Variants in EFCAB10 observed in about 807,000 individuals in gnomAD.
The protein encoded by EFCAB10 is EF-hand calcium binding domain 10, also known as EF-hand calcium-binding domain-containing protein 10.
A neutral mutation model predicts 7.7 loss-of-function variants in EFCAB10; 7 were observed. That is an observed-to-expected ratio of 0.91 (90% CI 0.52 to 1.72). EFCAB10 has a LOEUF of 1.72. Among genes scored for constraint, EFCAB10 ranks in the 40% most tolerant of loss-of-function variants. The pLI is 0.00. For synonymous variants in EFCAB10, 52 were observed against 21.0 expected (o/e 2.47, Z -4.03); for missense variants, 112 against 61.5 (o/e 1.82, Z -2.74).
Position 105,569,498 on chromosome 7 carries a change from A to G in EFCAB10, c.180T>C (p.Pro60=). Residue 60 remains proline, a synonymous_variant, in exon 2 of 5, where the codon CCT becomes CCC. Transcript: ENST00000480514. ...RIAKVTGVAF[P]FFMDNSNIVA... is the part of the protein sequence containing the mutation. ...CAATGTTAGAGTTATCCATAAAGAAAGGAAACGCCACGCCTGTTACTTTTG... is the reference window on the plus strand; with the variant it reads ...CAATGTTAGAGTTATCCATAAAGAAGGGAAACGCCACGCCTGTTACTTTTG... 1 of 703,054 alleles carries G rather than the reference A, an allele frequency of 1.4e-6. No homozygotes were observed. The highest frequency in any genetic ancestry group is 2.6e-6 in the Non-Finnish European group (1 of 385,016). The allele number at this position is 703,054 out of a possible 1,614,324, so 43.6% of individuals were successfully genotyped here. A position where few individuals can be genotyped will look rare whatever the true frequency, so the allele number is the denominator to read the frequency against.
At chr7:105,572,437 G>A (rs1791974445) in intron 1 of EFCAB10, 1 of 152,110 alleles carries the variant, frequency 6.6e-6, no homozygotes, top group Admixed American at 6.6e-5. Context: ...TTCATCCATG[G>A]ACACTTAGGC....
rs1791701501 is a variant in EFCAB10 at position 105,565,777 on chromosome 7, T to C, written c.*-330A>G. 4.7e-6 allele frequency: 3 copies of C among 635,818 alleles called. No individual in the cohort carries two copies. In the South Asian group the frequency reaches 6.0e-5, roughly 13 times the overall value. 39.4% of individuals were successfully genotyped at this position (635,818 alleles called of 1,614,324 possible). A position where few individuals can be genotyped will look rare whatever the true frequency, so the allele number is the denominator to read the frequency against. On this transcript the variant is annotated intron_variant, in intron 4 of 4. Coordinates refer to ENST00000480514, the MANE Select transcript of EFCAB10 (RefSeq NM_001355526.2). ...AGTTGAAATTTTAAAACATTGTCTA[T>C]CTACTGTATGCTTACAGCACAATGG...
chr7:105,578,920 A>G (rs1792153320), intron 1 of EFCAB10, among the ~76,000 whole-genome samples: 1 of 152,084 alleles, frequency 6.6e-6, no homozygotes, highest in Non-Finnish European at 1.5e-5. Context: ...CTAGAGGCAC[A>G]TGCCACCATG....
In EFCAB10 at chr7:105,569,227, G is replaced by C. The variant is rs982617740; in HGVS notation, c.335C>G (p.Thr112Ser). Residue 112 changes from threonine to serine, a missense_variant, in exon 3 of 5, where the codon ACT becomes AGT. By Grantham distance (58) the Thr-to-Ser change is moderately conservative. Transcript: ENST00000480514. ...EDLQDDGHKITLDKFKEEVNK... is the reference protein window; with the variant it reads ...EDLQDDGHKISLDKFKEEVNK... ...CACTTCCTCCTTGAATTTATCCAAA[G>C]TTATTTTATGTCCATCATCTTGTAA... is the stretch of plus-strand genomic sequence containing the variant. 5.7e-6 allele frequency: 4 copies of C among 701,522 alleles called. No homozygotes were observed. Among genetic ancestry groups the C allele is most frequent in the Non-Finnish European group, 1.0e-5 (4 of 384,948 alleles). The allele number at this position is 701,522 out of a possible 1,614,324, so 43.5% of individuals were successfully genotyped here. A position where few individuals can be genotyped will look rare whatever the true frequency, so the allele number is the denominator to read the frequency against.
intron 1 of EFCAB10, among the ~76,000 whole-genome samples, chr7:105,575,116 A>C (rs1792044761): frequency 1.1e-5 from 1 of 88,318 alleles, no homozygotes; most frequent in African/African-American, 4.4e-5. Context: ...ACTCTGTCTC[A>C]AAAAAAAAAA....
chr7:105,566,599 A>C (rs1791758211), intron 4 of EFCAB10: 1 of 152,062 alleles, frequency 6.6e-6, no homozygotes, highest in Non-Finnish European at 1.5e-5. Flanking sequence ...ATGATCGTGC[A>C]GTTTCACTCC....
chr7:105,574,772 T>G (rs1792034014), intron 1 of EFCAB10, among the ~76,000 whole-genome samples: 1 of 151,788 alleles, frequency 6.6e-6, no homozygotes, highest in South Asian at 2.1e-4. Context: ...CGTGAGCCAC[T>G]GTGCCCAGCC....
intron 4 of EFCAB10, among the ~76,000 whole-genome samples, chr7:105,565,995 C>A (rs993512657): frequency 6.6e-6 from 1 of 152,112 alleles, no homozygotes; most frequent in Non-Finnish European, 1.5e-5. Flanking sequence ...CAGGGCCGGG[C>A]GTGGTGGCTC....
intron 4 of EFCAB10, 73 bp downstream of exon 4, chr7:105,567,394 T>G: frequency 3.2e-6 from 3 of 937,824 alleles, no homozygotes; most frequent in Non-Finnish European, 5.0e-6. Context: ...GATGAAATTC[T>G]GAATTAATGA....
chr7:105,578,809 G>T (rs1295939268), intron 1 of EFCAB10, among the ~76,000 whole-genome samples: 1 of 152,194 alleles, frequency 6.6e-6, no homozygotes, highest in African/African-American at 2.4e-5. Flanking sequence ...GTCTCACTCT[G>T]TTGCTCAGGC....
intron 4 of EFCAB10, among the ~76,000 whole-genome samples, chr7:105,565,807 A>G (rs961985859): frequency 4.6e-5 from 7 of 152,210 alleles, no homozygotes; most frequent in Admixed American, 4.6e-4. Flanking sequence ...CAATGGGGAA[A>G]CCAAGATGAT....
At chr7:105,578,046 G>C (rs1025832689) in intron 1 of EFCAB10, among the ~76,000 whole-genome samples, 2 of 152,154 alleles carry the variant, frequency 1.3e-5, no homozygotes, top group Admixed American at 1.3e-4. Context: ...TTATAGGCGT[G>C]AGCCACCATC....
intron 1 of EFCAB10, 116 bp from the exon 2 acceptor site, chr7:105,569,687 G>A (rs1791887555): frequency 6.8e-6 from 4 of 592,590 alleles, no homozygotes; most frequent in Non-Finnish European, 8.9e-6. Flanking sequence ...TAGGCGCTGG[G>A]GACACAGGCC....
intron 3 of EFCAB10, among the ~76,000 whole-genome samples, chr7:105,568,785 C>A (rs1791858844): frequency 2.6e-5 from 4 of 151,902 alleles, no homozygotes; most frequent in South Asian, 2.1e-4. Context: ...CCTGACTCTA[C>A]TAAAAATACA....
chr7:105,573,114 C>G (rs1791991090), intron 1 of EFCAB10: 1 of 151,772 alleles, frequency 6.6e-6, no homozygotes, highest in South Asian at 2.1e-4. Flanking sequence ...TCTCTTCACT[C>G]AGTTTATGTT....
At chr7:105,572,258 T>G (rs1791970595) in intron 1 of EFCAB10, 1 of 152,226 alleles carries the variant, frequency 6.6e-6, no homozygotes, top group Non-Finnish European at 1.5e-5. Flanking sequence ...TTTATGAGTT[T>G]GACTTTTTCA....
In EFCAB10 at chr7:105,569,214, G is replaced by C; in HGVS notation, c.348C>G (p.Phe116Leu). 1.4e-6 allele frequency: 1 copy of C among 700,932 alleles called. No individual in the cohort carries two copies. The highest frequency in any genetic ancestry group is 2.6e-6 in the Non-Finnish European group (1 of 384,924). 43.4% of individuals were successfully genotyped at this position (700,932 alleles called of 1,614,324 possible). Reference protein sequence around the residue: ...DDGHKITLDKFKEEVNKRMKE... With the variant: ...DDGHKITLDKLKEEVNKRMKE... ...AAAAATAAACTTACACTTCCTCCTT[G>C]AATTTATCCAAAGTTATTTTATGTC... Residue 116 changes from phenylalanine to leucine, a missense_variant, in exon 3 of 5, where the codon TTC becomes TTG. By Grantham distance (22) the Phe-to-Leu change is conservative. Transcript: ENST00000480514.
rs1791660722 is a variant in EFCAB10 at position 105,565,318 on chromosome 7, C to G, written c.*129G>C. 1 of 1,614,176 alleles carries G rather than the reference C, an allele frequency of 6.2e-7. No individual in the cohort carries two copies. ...TCTCAGTCAGAGCAGGCAGTGATGTCCCTGTCCAGTTCGGCTTGCCCGTTG... is the reference window on the plus strand; with the variant it reads ...TCTCAGTCAGAGCAGGCAGTGATGTGCCTGTCCAGTTCGGCTTGCCCGTTG... On this transcript the variant is annotated 3_prime_UTR_variant, in exon 5 of 5. Transcript: ENST00000480514.
At chr7:105,570,240 A>AAT (rs1190599721) in intron 1 of EFCAB10, among the ~76,000 whole-genome samples, 846 of 24,814 alleles carry the variant, frequency 0.034, 44 homozygotes, top group Middle Eastern at 0.071. Context: ...AAAAAAAAAA[A>AAT]ATATATATAT....
Sources: allele counts gnomAD v4.1 joint callset (sites outside exome capture counted in the v4.1 genomes callset), GRCh38; gene constraint gnomAD v4.1.1; transcripts MANE v1.5; gene names NCBI Gene and HGNC (gene_info 2026-07-23, HGNC 2026-07-21).